Variants in EBNA1BP2 observed in about 807,000 individuals in gnomAD.
EBNA1BP2 encodes EBNA1 binding protein 2, also known as probable rRNA-processing protein EBP2.
Under a neutral mutation model 43.5 loss-of-function variants are expected in EBNA1BP2, and 36 were observed. The ratio of observed to expected loss-of-function variants is 0.83; its 90% confidence interval spans 0.63 to 1.09. The LOEUF (loss-of-function observed/expected upper bound fraction) is 1.09. EBNA1BP2 is among the 50% of genes least tolerant of loss of function. The probability of loss-of-function intolerance (pLI) is 0.00; values close to 1 mark genes in which losing one functional copy is unlikely to be tolerated. For missense variants in EBNA1BP2, 332 were observed against 379.1 expected (o/e 0.88, Z 1.03); for synonymous variants, 127 against 141.3 (o/e 0.90, Z 0.72).
chr1:43,172,077 A>G lies in EBNA1BP2; in HGVS notation c.42T>C (p.Asp14=). 6.2e-7 allele frequency: 1 copy of G among 1,614,092 alleles called. No individual in the cohort carries two copies. The highest frequency in any genetic ancestry group is 8.5e-7 in the Non-Finnish European group (1 of 1,180,010). Residue 14 remains aspartate (D), a synonymous_variant, in exon 1 of 9, where the codon GAT becomes GAC. Transcript: ENST00000236051. ...PPLSDSESES[D]ESLVTDRELQ... is the part of the protein sequence containing the mutation. ...CCTCTCTGTCTGTGACAAGGGATTC[A>G]TCGGATTCCGACTCCGAATCCGAGA...
chr1:43,171,768 A>G, intron 2 of EBNA1BP2, 117 bp from the exon 3 acceptor site: 1 of 1,562,038 alleles, frequency 6.4e-7, no homozygotes, highest in Non-Finnish European at 8.7e-7. Flanking sequence ...CAGGTAATTG[A>G]CCCTCTTGGC....
rs142265004 is a variant in EBNA1BP2, at chr1:43,170,929, C to A, written c.324-50G>T. ...TAATGAGGTGAAGGAGGAGGCCTTACGTTCCTTTTCACCGCCAATCATGAG... is the reference window on the plus strand; with the variant it reads ...TAATGAGGTGAAGGAGGAGGCCTTAAGTTCCTTTTCACCGCCAATCATGAG... On this transcript the variant is annotated intron_variant, in intron 3 of 8. Coordinates refer to ENST00000236051, the MANE Select transcript of EBNA1BP2 (RefSeq NM_006824.3). 4.7e-6 allele frequency: 7 copies of A among 1,486,962 alleles called. No homozygotes were observed. The East Asian group carries it at 1.8e-4, about 39-fold the overall frequency. 92.1% of individuals were successfully genotyped at this position (1,486,962 alleles called of 1,614,324 possible).
intron 3 of EBNA1BP2, 84 bp downstream of exon 3, chr1:43,171,395 G>C: frequency 1.3e-6 from 2 of 1,499,218 alleles, no homozygotes; most frequent in Non-Finnish European, 8.9e-7. Flanking sequence ...GGCTTATTCT[G>C]AGTGCAGACT....
intron 7 of EBNA1BP2, 42 bp downstream of exon 7, chr1:43,166,784 C>T (rs771970070): frequency 6.3e-7 from 1 of 1,579,556 alleles, no homozygotes; most frequent in Admixed American, 2.0e-5. Flanking sequence ...GGCCCCATCG[C>T]ACCTCACAGA....
intron 7 of EBNA1BP2, among the ~76,000 whole-genome samples, chr1:43,166,165 T>A (rs1438545591): frequency 6.6e-6 from 1 of 152,188 alleles, no homozygotes; most frequent in Non-Finnish European, 1.5e-5. Flanking sequence ...AATTAGCATT[T>A]AGAAAGGCAT....
In EBNA1BP2 at chr1:43,164,667, CT is replaced by C. The variant is rs376694289; in HGVS notation, c.845del (p.Lys282ArgfsTer20). 273 of 1,614,242 alleles carry C rather than the reference CT, an allele frequency of 1.7e-4. 1 individual carries two copies. In the Admixed American group the frequency reaches 2.7e-3, roughly 16 times the overall value. On this transcript the variant is annotated frameshift_variant, in exon 8 of 9. Transcript: ENST00000236051. LOFTEE classifies it high-confidence loss of function. ...RAKTAHGRGL[K>X]RPGKKGSNKR... ...CATTTGACCCTTTCTTGCCAGGCCT[CT>C]TGAGGCCTCTGCCATGAGCTGTCTT...
chr1:43,171,250 G>A (rs1465300450), intron 3 of EBNA1BP2: 2 of 559,502 alleles, frequency 3.6e-6, no homozygotes, highest in Non-Finnish European at 5.8e-6. Flanking sequence ...TGCACAAAAA[G>A]TTTTAACATG....
At chr1:43,167,998 G>A (rs1417779759) in intron 5 of EBNA1BP2, among the ~76,000 whole-genome samples, 1 of 152,158 alleles carries the variant, frequency 6.6e-6, no homozygotes, top group African/African-American at 2.4e-5. Flanking sequence ...CTTCCCCAGT[G>A]TTTCCTTAAA....
At chr1:43,168,898 C>T (rs747359619) in intron 5 of EBNA1BP2, 41 bp downstream of exon 5, 4 of 1,601,426 alleles carry the variant, frequency 2.5e-6, no homozygotes, top group African/African-American at 1.3e-5. Context: ...ATCTAACACA[C>T]ACTCCGCCTC....
intron 6 of EBNA1BP2, 100 bp from the exon 7 acceptor site, chr1:43,167,019 G>A (rs1644923388): frequency 1.3e-6 from 2 of 1,492,082 alleles, no homozygotes; most frequent in South Asian, 1.1e-5. Flanking sequence ...GATTTTAAGA[G>A]TCACATCCTG....
chr1:43,164,600 G>A (rs1644906080), intron 8 of EBNA1BP2, 43 bp downstream of exon 8: 1 of 1,613,782 alleles, frequency 6.2e-7, no homozygotes, highest in Non-Finnish European at 8.5e-7. Flanking sequence ...AGTGGGAGGG[G>A]AGGCTGAGCC....
Position 43,171,909 on chromosome 1 carries a change from G to GC in EBNA1BP2, c.126dup (p.Pro43AlafsTer26), listed in dbSNP as rs766359101. The GC allele has an allele frequency of 6.2e-7, 1 of 1,614,094 alleles. No homozygotes were observed. The highest frequency in any genetic ancestry group is 1.1e-5 in the South Asian group (1 of 91,072). ...ACCACGTCGTTCACGGCCTTCTTCGGCCCCTCTAGCACGACATTGAGGCCT... is the reference window on the plus strand; with the variant it reads ...ACCACGTCGTTCACGGCCTTCTTCGGCCCCCTCTAGCACGACATTGAGGCCT... On this transcript the variant is annotated frameshift_variant, in exon 2 of 9. Coordinates refer to ENST00000236051, the MANE Select transcript of EBNA1BP2 (RefSeq NM_006824.3). LOFTEE classifies it high-confidence loss of function.
At chr1:43,166,193 T>G (rs1426510692) in intron 7 of EBNA1BP2, among the ~76,000 whole-genome samples, 1 of 152,186 alleles carries the variant, frequency 6.6e-6, no homozygotes, top group African/African-American at 2.4e-5. Context: ...CGTTCAAAAC[T>G]GCCCTCCTAC....
rs746714849 is a variant in EBNA1BP2, at chr1:43,171,891, C to G, written c.145G>C (p.Asp49His). Residue 49 changes from aspartate to histidine, a missense_variant, in exon 2 of 9, where the codon GAC (aspartate) becomes CAC (histidine). Asp to His is a moderately conservative substitution (Grantham distance 81). Transcript: ENST00000236051. Reference sequence around the variant, plus strand: ...GACCCTGTGCCCACGCTCACCACGTCGTTCACGGCCTTCTTCGGCCCCTCT... The same window carrying G: ...GACCCTGTGCCCACGCTCACCACGTGGTTCACGGCCTTCTTCGGCCCCTCT... The part of the protein sequence containing the change: ...VLEGPKKAVN[D>H]VNGLKQCLAE... 2.5e-6 allele frequency: 4 copies of G among 1,614,004 alleles called. No homozygotes were observed. The highest frequency in any genetic ancestry group is 3.4e-6 in the Non-Finnish European group (4 of 1,179,928).
intron 4 of EBNA1BP2, 32 bp from the exon 5 acceptor site, chr1:43,169,060 T>C (rs777877152): frequency 1.2e-6 from 2 of 1,608,258 alleles, no homozygotes; most frequent in Non-Finnish European, 1.7e-6. Context: ...GTTCATGTCA[T>C]TTGAATCTGG....
intron 7 of EBNA1BP2, 132 bp from the exon 8 acceptor site, chr1:43,164,937 T>C (rs1385079369): frequency 4.0e-5 from 45 of 1,138,576 alleles, no homozygotes; most frequent in Non-Finnish European, 5.0e-5. Flanking sequence ...AATCTCATCC[T>C]TGGCCCCACA....
chr1:43,170,179 T>A (rs954140300), intron 4 of EBNA1BP2, among the ~76,000 whole-genome samples: 3 of 152,180 alleles, frequency 2.0e-5, no homozygotes, highest in Non-Finnish European at 2.9e-5. Flanking sequence ...TATTTTCAAA[T>A]TTTTTTCCCC....
Position 43,164,758 on chromosome 1 carries a change from C to T in EBNA1BP2, c.755G>A (p.Gly252Glu). Residue 252 changes from glycine (G) to glutamate (E), a missense_variant, in exon 8 of 9, where the codon GGA becomes GAA. Gly to Glu is a moderately conservative substitution (Grantham distance 98). Transcript: ENST00000236051. ...RYKNQKFGFG[G>E]KKKGSKWNTR... is the part of the protein sequence containing the mutation. ...GTTCCACTTTGAGCCTTTCTTCTTT[C>T]CACCAAAACCAAACTTCTGGTTTTT... 2 of 1,614,216 alleles carry T rather than the reference C, an allele frequency of 1.2e-6. No individual in the cohort carries two copies. Among genetic ancestry groups the T allele is most frequent in the East Asian group, 2.2e-5 (1 of 44,888 alleles).
At chr1:43,170,657 TGGCTCCC>T in intron 4 of EBNA1BP2, 92 bp downstream of exon 4, 1 of 1,507,000 alleles carries the variant, frequency 6.6e-7, no homozygotes, top group Non-Finnish European at 8.9e-7. Flanking sequence ...CTCTGACAAC[TGGCTCCC>T]CGTTATTGGG....
Sources: allele counts gnomAD v4.1 joint callset (sites outside exome capture counted in the v4.1 genomes callset), GRCh38; gene constraint gnomAD v4.1.1; transcripts MANE v1.5; gene names NCBI Gene and HGNC (gene_info 2026-07-23, HGNC 2026-07-21).